Variants in PCNX2 observed in about 807,000 individuals in gnomAD.
PCNX2 encodes the protein pecanex 2.
A neutral mutation model predicts 223.8 loss-of-function variants in PCNX2; 168 were observed. The ratio of observed to expected loss-of-function variants is 0.75; its 90% CI spans 0.66 to 0.85. PCNX2 has a LOEUF of 0.85. PCNX2 is among the 40% of genes least tolerant of loss of function. PCNX2 has a pLI of 0.00. For synonymous variants in PCNX2, 1,006 were observed against 1,052.6 expected, an observed-to-expected ratio of 0.96 and a Z score of 0.86; for missense variants, 2,507 against 2,675.5, an observed-to-expected ratio of 0.94 and a Z score of 1.39.
rs557223471 is a variant in PCNX2, at chr1:233,096,916, G to A, written c.3838-1053C>T. 7.9e-5 allele frequency among the ~76,000 whole-genome samples: 12 copies of A among 152,268 alleles called. No individual in the cohort carries two copies. In the East Asian group the frequency reaches 1.4e-3, roughly 17 times the overall value. On this transcript the variant is annotated intron_variant, in intron 21 of 33. Transcript: ENST00000258229. The stretch of plus-strand genomic sequence containing the variant: ...TGGTGATTTTGGAACCCAAAGATGA[G>A]GTGACCCTGATTTGTTCCATGAAAT...
At chr1:233,193,009 A>C (rs1680504824) in intron 15 of PCNX2, among the ~76,000 whole-genome samples, 2 of 147,350 alleles carry the variant, frequency 1.4e-5, no homozygotes, top group Non-Finnish European at 3.0e-5. Flanking sequence ...ATTATATATA[A>C]TTATATATTA....
chr1:233,224,077 C>G (rs1476612907), intron 10 of PCNX2, among the ~76,000 whole-genome samples: 2 of 152,188 alleles, frequency 1.3e-5, no homozygotes, highest in Admixed American at 6.5e-5. Context: ...TTTTATTTAT[C>G]ACTCCATACC....
chr1:232,984,834 G>C (rs1422346124), intron 33 of PCNX2: 6 of 189,686 alleles, frequency 3.2e-5, no homozygotes, highest in Non-Finnish European at 6.5e-5. Context: ...GTTCTAGCAG[G>C]CTTGACCCCA....
the PCNX2 span, among the ~76,000 whole-genome samples, chr1:233,315,974 G>A: frequency 6.6e-6 from 1 of 152,226 alleles, no homozygotes; most frequent in South Asian, 2.1e-4. Context: ...AGGGTAAATG[G>A]CAGCCTTCCT....
chr1:233,205,424 T>A (rs2102904526), intron 13 of PCNX2, among the ~76,000 whole-genome samples: 1 of 152,334 alleles, frequency 6.6e-6, no homozygotes, highest in Non-Finnish European at 1.5e-5. Context: ...CCGGGCATGG[T>A]GGCTCATGCC....
At chr1:233,194,979 C>T (rs1323516754) in intron 15 of PCNX2, among the ~76,000 whole-genome samples, 5 of 146,944 alleles carry the variant, frequency 3.4e-5, no homozygotes, top group South Asian at 2.2e-4. Context: ...ATCACGCTGC[C>T]GCACTCCAGC....
intron 13 of PCNX2, among the ~76,000 whole-genome samples, chr1:233,201,333 C>A (rs1196433409): frequency 6.6e-6 from 1 of 152,034 alleles, no homozygotes; most frequent in Admixed American, 6.6e-5. Flanking sequence ...AGTAGAGCAT[C>A]TGAAAGCAGT....
intron 25 of PCNX2, among the ~76,000 whole-genome samples, chr1:233,046,045 A>G (rs1671812222): frequency 6.6e-6 from 1 of 152,232 alleles, no homozygotes; most frequent in Non-Finnish European, 1.5e-5. Flanking sequence ...TATTGACACA[A>G]ATGCATCCCT....
At chr1:233,055,137 A>C (rs1672146651) in intron 24 of PCNX2, among the ~76,000 whole-genome samples, 1 of 152,214 alleles carries the variant, frequency 6.6e-6, no homozygotes, top group African/African-American at 2.4e-5. Context: ...AGTCATGAAC[A>C]GGAGTTTGTG....
chr1:233,291,609 A>C (rs1661770183), intron 1 of PCNX2: 3 of 152,740 alleles, frequency 2.0e-5, no homozygotes, highest in Non-Finnish European at 3.5e-5. Flanking sequence ...ACTCTGTCTC[A>C]AAAAAAAAAA....
At chr1:233,134,885 A>C (rs945904018) in intron 21 of PCNX2, 128 bp downstream of exon 21, 8 of 777,922 alleles carry the variant, frequency 1.0e-5, no homozygotes, top group Non-Finnish European at 1.6e-5. Context: ...TTTAACATAC[A>C]TGTATAATTC....
chr1:233,106,053 C>T lies in PCNX2; in HGVS notation c.3838-10190G>A, dbSNP rs995969702. On this transcript the variant is annotated intron_variant, in intron 21 of 33. Coordinates refer to ENST00000258229, the MANE Select transcript of PCNX2 (RefSeq NM_014801.4). ...TGAGGAAGGAAGCAAGGGTGGACTT[C>T]AATAAAGAAGAAACAGGAGATAATG... Among the ~76,000 whole-genome samples, 6 of 152,150 alleles carry T rather than the reference C, an allele frequency of 3.9e-5. 1 individual carries two copies. The highest frequency in any genetic ancestry group is 1.4e-4 in the African/African-American group (6 of 41,492).
intron 22 of PCNX2, among the ~76,000 whole-genome samples, chr1:233,090,662 T>C (rs1673826074): frequency 6.6e-6 from 1 of 151,700 alleles, no homozygotes; most frequent in South Asian, 2.1e-4. Context: ...TATCTATCCA[T>C]CTATCTATCT....
chr1:233,062,573 G>A (rs1488831865), intron 23 of PCNX2, among the ~76,000 whole-genome samples: 1 of 152,146 alleles, frequency 6.6e-6, no homozygotes, highest in African/African-American at 2.4e-5. Context: ...AAATACATCT[G>A]TGTTCAATAT....
intron 25 of PCNX2, among the ~76,000 whole-genome samples, chr1:233,031,535 C>G (rs1399761280): frequency 6.6e-6 from 1 of 152,232 alleles, no homozygotes; most frequent in African/African-American, 2.4e-5. Context: ...TAGACCAAGC[C>G]TCTATATAGA....
At chr1:233,007,236 A>G (rs2102806251) in intron 28 of PCNX2, among the ~76,000 whole-genome samples, 1 of 151,468 alleles carries the variant, frequency 6.6e-6, no homozygotes, top group East Asian at 1.9e-4. Context: ...AGCAACTAAA[A>G]GTGAAACAGA....
chr1:233,062,710 T>G (rs991494039), intron 23 of PCNX2, among the ~76,000 whole-genome samples: 1 of 152,214 alleles, frequency 6.6e-6, no homozygotes, highest in South Asian at 2.1e-4. Flanking sequence ...GGCAGATGTA[T>G]TTGGTCATAT....
chr1:233,084,875 A>G (rs953135529), intron 23 of PCNX2, among the ~76,000 whole-genome samples: 1 of 152,218 alleles, frequency 6.6e-6, no homozygotes, highest in Non-Finnish European at 1.5e-5. Context: ...GTTGCCTGGA[A>G]TTAAAATAAA....
At chr1:233,217,775 T>G in intron 12 of PCNX2, 124 bp downstream of exon 12, 3 of 959,892 alleles carry the variant, frequency 3.1e-6, no homozygotes, top group Non-Finnish European at 4.5e-6. Flanking sequence ...TATTTGATAT[T>G]TCTATTTTAT....
Sources: gnomAD v4.1 joint callset for allele counts (sites outside exome capture counted in the v4.1 genomes callset) on GRCh38, gnomAD v4.1.1 for gene constraint, MANE v1.5 for transcripts, NCBI Gene and HGNC (gene_info 2026-07-23, HGNC 2026-07-21) for gene names.